PPP4R4: variants seen among roughly 807,000 people sequenced by gnomAD.
The protein encoded by PPP4R4 is serine/threonine-protein phosphatase 4 regulatory subunit 4.
Under a neutral mutation model 121.8 loss-of-function variants are expected in PPP4R4, and 70 were observed. The ratio of observed to expected loss-of-function variants is 0.57; its 90% CI spans 0.47 to 0.70. The LOEUF (loss-of-function observed/expected upper bound fraction) is 0.70. PPP4R4 is among the 30% of genes least tolerant of loss of function. The pLI is 0.00. For synonymous variants in PPP4R4, 348 were observed against 355.7 expected, an observed-to-expected ratio of 0.98 and a Z score of 0.24; for missense variants, 875 against 1,033.6, an observed-to-expected ratio of 0.85 and a Z score of 2.10.
intron 2 of PPP4R4, among the ~76,000 whole-genome samples, chr14:94,187,231 C>T (rs1268496624): frequency 1.3e-5 from 2 of 151,748 alleles, no homozygotes; most frequent in African/African-American, 2.4e-5. Flanking sequence ...AGAATTGCCC[C>T]GGAGGCAGAG....
At chr14:94,202,108 A>T (rs1026095127) in intron 2 of PPP4R4, among the ~76,000 whole-genome samples, 1 of 152,120 alleles carries the variant, frequency 6.6e-6, no homozygotes, top group East Asian at 1.9e-4. Context: ...AGCTATGAGG[A>T]CGCAAAGGCA....
At chr14:94,219,287 G>A (rs1001630166) in intron 3 of PPP4R4, among the ~76,000 whole-genome samples, 1 of 151,938 alleles carries the variant, frequency 6.6e-6, no homozygotes, top group Middle Eastern at 3.2e-3. Flanking sequence ...TGTTGGCCAG[G>A]TTGGTCTTGA....
chr14:94,180,086 T>G (rs1033948452), intron 2 of PPP4R4, among the ~76,000 whole-genome samples: 3 of 152,224 alleles, frequency 2.0e-5, no homozygotes, highest in African/African-American at 7.2e-5. Context: ...TCATTCCCTT[T>G]TCCCAGTGTG....
chr14:94,260,761 T>A (rs940558630), intron 19 of PPP4R4, among the ~76,000 whole-genome samples: 6 of 152,146 alleles, frequency 3.9e-5, no homozygotes, highest in Non-Finnish European at 7.4e-5. Flanking sequence ...TCTTGGAGTC[T>A]GAGGCTTATC....
At chr14:94,276,944 A>G (rs1595557688) in intron 24 of PPP4R4, among the ~76,000 whole-genome samples, 1 of 152,228 alleles carries the variant, frequency 6.6e-6, no homozygotes, top group Admixed American at 6.5e-5. Context: ...TTATTTACAG[A>G]GAATGCTCTT....
intron 2 of PPP4R4, among the ~76,000 whole-genome samples, chr14:94,201,320 C>G (rs1396816692): frequency 6.6e-6 from 1 of 152,090 alleles, no homozygotes; most frequent in African/African-American, 2.4e-5. Context: ...GTAGCATGTT[C>G]TGTAGATCAT....
intron 23 of PPP4R4, among the ~76,000 whole-genome samples, chr14:94,272,288 T>G (rs1224164860): frequency 6.6e-6 from 1 of 152,144 alleles, no homozygotes; most frequent in Non-Finnish European, 1.5e-5. Flanking sequence ...CAAGACAGTG[T>G]GGTATTGGCA....
chr14:94,226,039 T>C (rs1367679885), intron 3 of PPP4R4, among the ~76,000 whole-genome samples: 1 of 152,204 alleles, frequency 6.6e-6, no homozygotes, highest in Non-Finnish European at 1.5e-5. Context: ...GATTATTTCT[T>C]TGAAAAGCAC....
In PPP4R4 at chr14:94,236,254, A is replaced by C. The variant is rs141738238; in HGVS notation, c.732-1311A>C. Among the ~76,000 whole-genome samples the C allele has an allele frequency of 8.0e-3, 1,223 of 152,360 alleles. 16 individuals are homozygous for C. The highest frequency in any genetic ancestry group is 0.028 in the African/African-American group (1,153 of 41,584). On this transcript the variant is annotated intron_variant, in intron 7 of 24. Coordinates refer to ENST00000304338, the MANE Select transcript of PPP4R4 (RefSeq NM_058237.2). The stretch of plus-strand genomic sequence containing the variant: ...CATCACTGTCACATGTTTTTGAAAA[A>C]AAGAGAACTCTGTTTAAAGATTGAA...
chr14:94,253,116 C>T lies in PPP4R4; in HGVS notation c.1865+1220C>T, dbSNP rs145984408. Among the ~76,000 whole-genome samples the T allele has an allele frequency of 6.6e-3, 1,005 of 152,278 alleles. 12 individuals are homozygous for T. Among genetic ancestry groups the T allele is most frequent in the African/African-American group, 0.022 (899 of 41,550 alleles). On this transcript the variant is annotated intron_variant, in intron 16 of 24. Transcript: ENST00000304338. ...TAGTTTTTGTTGCATATTTCTTGTGCTTTATAAATGAGAGGTGGGGTATTG... is the reference window on the plus strand; with the variant it reads ...TAGTTTTTGTTGCATATTTCTTGTGTTTTATAAATGAGAGGTGGGGTATTG...
intron 3 of PPP4R4, among the ~76,000 whole-genome samples, chr14:94,222,532 A>G (rs1018568973): frequency 1.3e-5 from 2 of 149,702 alleles, no homozygotes; most frequent in African/African-American, 4.9e-5. Flanking sequence ...ATTTACCCAC[A>G]TAGCTATCAT....
At chr14:94,202,981 C>A (rs569713795) in intron 2 of PPP4R4, among the ~76,000 whole-genome samples, 37 of 143,582 alleles carry the variant, frequency 2.6e-4, no homozygotes, top group Non-Finnish European at 2.9e-4. Context: ...GACTCCATCT[C>A]AAAAAAAAAA....
At chr14:94,243,309 A>G (rs1344350605) in intron 11 of PPP4R4, among the ~76,000 whole-genome samples, 1 of 152,160 alleles carries the variant, frequency 6.6e-6, no homozygotes, top group Non-Finnish European at 1.5e-5. Context: ...CAATTATATC[A>G]TCTTTGTAAA....
chr14:94,254,166 G>C (rs983050962), intron 16 of PPP4R4, among the ~76,000 whole-genome samples: 2 of 152,196 alleles, frequency 1.3e-5, no homozygotes, highest in Admixed American at 1.3e-4. Flanking sequence ...ATGGGCCCAG[G>C]AGTCTCATAG....
chr14:94,208,371 C>T, intron 2 of PPP4R4, 93 bp from the exon 3 acceptor site: 1 of 810,870 alleles, frequency 1.2e-6, no homozygotes, highest in Non-Finnish European at 1.8e-6. Context: ...ACATTCAAAG[C>T]AGTCATTTTT....
At position 94,208,597 on chromosome 14, in the gene PPP4R4, C is replaced by A. The variant is rs1274104612; in HGVS notation, c.294+31C>A. On this transcript the variant is annotated intron_variant, in intron 3 of 24. Transcript: ENST00000304338. ...TTGGTATGAAATAAGATTGGAGTTT[C>A]CCATTTTTTCCCAGTAGCATGTTGT... 3.9e-6 allele frequency: 6 copies of A among 1,522,572 alleles called. No individual in the cohort carries two copies. In the South Asian group the frequency reaches 7.0e-5, roughly 18 times the overall value. The allele number at this position is 1,522,572 out of a possible 1,614,324, so 94.3% of individuals were successfully genotyped here. A position where few individuals can be genotyped will look rare whatever the true frequency, so the allele number is the denominator to read the frequency against.
At position 94,276,357 on chromosome 14, in the gene PPP4R4, T is replaced by C. The variant is rs7156175; in HGVS notation, c.2597+836T>C. 3.0e-3 allele frequency among the ~76,000 whole-genome samples: 463 copies of C among 152,356 alleles called. 2 individuals carry two copies. The highest frequency in any genetic ancestry group is 0.011 in the African/African-American group (448 of 41,578). Reference sequence around the variant, plus strand: ...CCCTTTTAGGATCTGATTTAGGCTGTTTTGCATTGCTATAAAGAAATACCT... The same window carrying C: ...CCCTTTTAGGATCTGATTTAGGCTGCTTTGCATTGCTATAAAGAAATACCT... On this transcript the variant is annotated intron_variant, in intron 24 of 24. Coordinates refer to ENST00000304338, the MANE Select transcript of PPP4R4 (RefSeq NM_058237.2).
chr14:94,227,442 T>G, intron 3 of PPP4R4: 1 of 1,547,428 alleles, frequency 6.5e-7, no homozygotes, highest in South Asian at 1.2e-5. Flanking sequence ...CAGTTGATTT[T>G]TAGCAGTGAT....
intron 2 of PPP4R4, among the ~76,000 whole-genome samples, chr14:94,183,683 A>G (rs1889110401): frequency 6.6e-6 from 1 of 152,184 alleles, no homozygotes; most frequent in African/African-American, 2.4e-5. Flanking sequence ...ATAAAAAGTG[A>G]AATATTTTCA....
Sources: gnomAD v4.1 joint callset for allele counts (sites outside exome capture counted in the v4.1 genomes callset) on GRCh38, gnomAD v4.1.1 for gene constraint, MANE v1.5 for transcripts, NCBI Gene and HGNC (gene_info 2026-07-23, HGNC 2026-07-21) for gene names.